SDHA: variants seen among roughly 807,000 people sequenced by gnomAD.
The protein encoded by SDHA is succinate dehydrogenase complex flavoprotein subunit A, also known as succinate dehydrogenase [ubiquinone] flavoprotein subunit, mitochondrial.
In SDHA, 48 loss-of-function variants were observed where a neutral mutation model predicts 78.4. The observed-to-expected ratio is 0.61, with a 90% CI of 0.49 to 0.78. The LOEUF is 0.78. Among genes scored for constraint, SDHA ranks in the 30% least tolerant of loss-of-function variants. The pLI is 0.00. For missense variants in SDHA, 680 were observed against 892.7 expected (o/e 0.76, Z 3.04); for synonymous variants, 326 against 353.9 (o/e 0.92, Z 0.88).
At chr5:240,599 A>T (rs891131913) in intron 11 of SDHA, 123 bp downstream of exon 11, 1 of 731,794 alleles carries the variant, frequency 1.4e-6, no homozygotes, top group African/African-American at 1.8e-5. Flanking sequence ...ATGTACTGGG[A>T]GGTGGTGGAG....
intron 13 of SDHA, among the ~76,000 whole-genome samples, chr5:254,055 T>A (rs1208917651): frequency 7.3e-5 from 11 of 149,918 alleles, no homozygotes; most frequent in Non-Finnish European, 1.5e-4. Flanking sequence ...AAAAAATTTT[T>A]TTTTAATAAA....
At chr5:242,006 T>C (rs1002172998) in intron 11 of SDHA, among the ~76,000 whole-genome samples, 1 of 152,198 alleles carries the variant, frequency 6.6e-6, no homozygotes, top group African/African-American at 2.4e-5. Flanking sequence ...GTGAGAATAC[T>C]AGAAGCATTC....
intron 13 of SDHA, 54 bp downstream of exon 13, chr5:251,522 G>T (rs1295657061): frequency 1.2e-6 from 2 of 1,612,834 alleles, no homozygotes; most frequent in South Asian, 1.1e-5. Flanking sequence ...CACCTGGTGG[G>T]ACTCAGCCCC....
At chr5:262,531 T>C in the SDHA span, among the ~76,000 whole-genome samples, 2 of 140,176 alleles carry the variant, frequency 1.4e-5, no homozygotes, top group Non-Finnish European at 3.0e-5. Flanking sequence ...TATGCGCCGC[T>C]TATGAAAATC....
At chr5:258,626 G>A (rs1579452943), downstream of SDHA, among the ~76,000 whole-genome samples, 1 of 102,264 alleles carries the variant, frequency 9.8e-6, no homozygotes, top group African/African-American at 4.1e-5. Context: ...GCATTACCGT[G>A]TGAGCTCCGC....
At chr5:266,829 A>G in the SDHA span, among the ~76,000 whole-genome samples, 4 of 151,870 alleles carry the variant, frequency 2.6e-5, no homozygotes, top group Non-Finnish European at 5.9e-5. Flanking sequence ...CGCTGTCTGT[A>G]AGATATTCAG....
At chr5:268,276 G>T in the SDHA span, among the ~76,000 whole-genome samples, 1 of 151,586 alleles carries the variant, frequency 6.6e-6, no homozygotes, top group African/African-American at 2.4e-5. Context: ...TCCGCCTCCC[G>T]GGTTCACGCC....
At chr5:229,489 A>G (rs1735246617) in intron 6 of SDHA, among the ~76,000 whole-genome samples, 1 of 152,252 alleles carries the variant, frequency 6.6e-6, no homozygotes, top group Non-Finnish European at 1.5e-5. Context: ...GTTAAGTGAA[A>G]CGAGCCAGGC....
At chr5:230,513 C>T (rs1215041220) in intron 6 of SDHA, among the ~76,000 whole-genome samples, 1 of 152,184 alleles carries the variant, frequency 6.6e-6, no homozygotes, top group Non-Finnish European at 1.5e-5. Flanking sequence ...GTAATCCCAG[C>T]TACTCGGGAG....
At chr5:239,325 A>G (rs139889381) in intron 10 of SDHA, among the ~76,000 whole-genome samples, 2,507 of 151,884 alleles carry the variant, frequency 0.017, 38 homozygotes, top group Non-Finnish European at 0.02. Flanking sequence ...CACTTTGGGA[A>G]GCCAAGGCAG....
Position 223,526 on chromosome 5 carries a change from T to C in SDHA, c.108T>C (p.Thr36=), listed in dbSNP as rs1301747916. Residue 36 remains threonine (T), a synonymous_variant, in exon 2 of 15, where the codon ACT becomes ACC. Coordinates refer to ENST00000264932, the MANE Select transcript of SDHA (RefSeq NM_004168.4). The part of the protein sequence containing the change: ...LQTGTRGFHF[T]VDGNKRASAK... ...CAGGAACCCGAGGTTTTCACTTCAC[T>C]GTTGATGGGAACAAGAGGGCATCTG... The C allele has an allele frequency of 6.2e-7, 1 of 1,613,876 alleles. No homozygotes were observed. Among genetic ancestry groups the C allele is most frequent in the Non-Finnish European group, 8.5e-7 (1 of 1,179,724 alleles).
chr5:236,322 C>A (rs1332665802), intron 9 of SDHA, 106 bp from the exon 10 acceptor site: 2 of 1,196,934 alleles, frequency 1.7e-6, no homozygotes, highest in East Asian at 2.4e-5. Flanking sequence ...CCACGCCTGG[C>A]CTACTTCCCT....
At chr5:240,958 G>T (rs1736102711) in intron 11 of SDHA, among the ~76,000 whole-genome samples, 1 of 152,020 alleles carries the variant, frequency 6.6e-6, no homozygotes. Context: ...TGACTTTGCT[G>T]TTGTGACTAG....
chr5:251,926 C>T (rs1285725504), intron 13 of SDHA: 27 of 349,682 alleles, frequency 7.7e-5, no homozygotes, highest in South Asian at 4.4e-4. Context: ...CGTTTCAAAC[C>T]TGCCCTGTGG....
At chr5:218,516 G>C in intron 1 of SDHA, 98 bp downstream of exon 1, 1 of 939,664 alleles carries the variant, frequency 1.1e-6, no homozygotes, top group Non-Finnish European at 1.4e-6. Context: ...CGGGCGCCGG[G>C]TCCCTGCGCC....
chr5:225,378 G>C, intron 3 of SDHA, 41 bp from the exon 4 acceptor site: 2 of 1,611,868 alleles, frequency 1.2e-6, no homozygotes, highest in Non-Finnish European at 1.7e-6. Context: ...CAAAGTTGGC[G>C]CTCCTGTTTG....
intron 11 of SDHA, among the ~76,000 whole-genome samples, chr5:241,085 C>T (rs1458119699): frequency 6.6e-6 from 1 of 152,090 alleles, no homozygotes; most frequent in Non-Finnish European, 1.5e-5. Flanking sequence ...TACAGAAGTG[C>T]ACTTCTTTTC....
At chr5:235,367 CT>C in intron 9 of SDHA, 28 bp downstream of exon 9, 1 of 1,611,588 alleles carries the variant, frequency 6.2e-7, no homozygotes. Context: ...TCCCCCACAG[CT>C]GGAAAGAAGG....
At chr5:221,767 A>T (rs1734729416) in intron 1 of SDHA, among the ~76,000 whole-genome samples, 1 of 152,168 alleles carries the variant, frequency 6.6e-6, no homozygotes, top group African/African-American at 2.4e-5. Context: ...GGGCTTTCCA[A>T]ATTCAAAAAT....
Sources: gnomAD v4.1 joint callset for allele counts (sites outside exome capture counted in the v4.1 genomes callset) on GRCh38, gnomAD v4.1.1 for gene constraint, MANE v1.5 for transcripts, NCBI Gene and HGNC (gene_info 2026-07-23, HGNC 2026-07-21) for gene names.